ADGRL3: variants seen among roughly 807,000 people sequenced by gnomAD.
ADGRL3 encodes the protein adhesion G protein-coupled receptor L3, also known as calcium-independent alpha-latrotoxin receptor 3.
Under a neutral mutation model 153.5 loss-of-function variants are expected in ADGRL3, and 62 were observed. The ratio of observed to expected loss-of-function variants is 0.40; its 90% CI spans 0.33 to 0.50. The LOEUF is 0.50. Among genes scored for constraint, ADGRL3 ranks in the 20% least tolerant of loss-of-function variants. ADGRL3 has a pLI of 0.47. For missense variants in ADGRL3, 1,641 were observed against 1,859.4 expected (o/e 0.88, Z 2.16); for synonymous variants, 710 against 672.5 (o/e 1.06, Z -0.86).
At chr4:61,714,070 C>T (rs1032587242) in intron 6 of ADGRL3, among the ~76,000 whole-genome samples, 2 of 152,082 alleles carry the variant, frequency 1.3e-5, no homozygotes, top group African/African-American at 4.8e-5. Flanking sequence ...AAATGTTAGA[C>T]CTCTAGCTAC....
intron 4 of ADGRL3, among the ~76,000 whole-genome samples, chr4:61,526,457 A>C (rs547703329): frequency 6.6e-6 from 1 of 152,106 alleles, no homozygotes; most frequent in Non-Finnish European, 1.5e-5. Flanking sequence ...AGGCTAAAGT[A>C]GTGTTGGAGT....
intron 1 of ADGRL3, among the ~76,000 whole-genome samples, chr4:61,376,834 G>C (rs1032831876): frequency 6.6e-6 from 1 of 152,148 alleles, no homozygotes; most frequent in Non-Finnish European, 1.5e-5. Context: ...GCAGTAAGTT[G>C]AAGCATCTGT....
intron 2 of ADGRL3, among the ~76,000 whole-genome samples, chr4:61,420,936 A>C (rs1390413250): frequency 6.6e-6 from 1 of 152,156 alleles, no homozygotes; most frequent in Non-Finnish European, 1.5e-5. Flanking sequence ...TATTAGTGGA[A>C]GGCCTATATT....
intron 1 of ADGRL3, among the ~76,000 whole-genome samples, chr4:61,301,477 T>C (rs369509875): frequency 2.6e-5 from 4 of 152,330 alleles, no homozygotes; most frequent in African/African-American, 9.6e-5. Flanking sequence ...AAAATCAGGC[T>C]ATCCTAACTG....
intron 25 of ADGRL3, among the ~76,000 whole-genome samples, chr4:62,054,718 T>G (rs73823300): frequency 0.013 from 2,024 of 151,560 alleles, 47 homozygotes; most frequent in African/African-American, 0.046. Flanking sequence ...GTAAACAACA[T>G]ATATAAAAAA....
At chr4:61,317,121 T>C (rs1250830104) in intron 1 of ADGRL3, among the ~76,000 whole-genome samples, 1 of 152,196 alleles carries the variant, frequency 6.6e-6, no homozygotes, top group Non-Finnish European at 1.5e-5. Context: ...AAAAGCACTG[T>C]TGATTTCTAA....
chr4:61,559,706 A>G (rs1315384720), intron 4 of ADGRL3, among the ~76,000 whole-genome samples: 1 of 152,114 alleles, frequency 6.6e-6, no homozygotes, highest in African/African-American at 2.4e-5. Flanking sequence ...CAAGAAAAGC[A>G]TGAGCGAAAT....
At chr4:61,225,907 T>A (rs1405121045) in intron 1 of ADGRL3, among the ~76,000 whole-genome samples, 9 of 152,186 alleles carry the variant, frequency 5.9e-5, no homozygotes, top group African/African-American at 2.2e-4. Flanking sequence ...CAGTAATATT[T>A]CCCTTGTCTT....
Position 61,979,553 on chromosome 4 carries a change from G to C in ADGRL3, c.2806-10G>C, listed in dbSNP as rs367648564. On this transcript the variant is annotated splice_polypyrimidine_tract_variant and intron_variant, in intron 17 of 26. Transcript: ENST00000683033. ...AAGCGCAACTTATGGCTTTTTCATT[G>C]TGTTTCCAGCACAGTGATGCGGTCC... 1.9e-5 allele frequency: 30 copies of C among 1,612,692 alleles called. No homozygotes were observed. Among genetic ancestry groups the C allele is most frequent in the Non-Finnish European group, 2.5e-5 (29 of 1,179,412 alleles).
rs140975707 is a variant in ADGRL3, at chr4:61,297,019, C to T, written c.-239-86105C>T. Among the ~76,000 whole-genome samples, 11 of 152,224 alleles carry T rather than the reference C, an allele frequency of 7.2e-5. 1 individual carries two copies. Among genetic ancestry groups the T allele is most frequent in the African/African-American group, 2.6e-4 (11 of 41,566 alleles). ...TAGAGCAGTTGACACTTCCCCTACT[C>T]CAAAGATACCATAAACAACAAAAAA... is the stretch of plus-strand genomic sequence containing the variant. On this transcript the variant is annotated intron_variant, in intron 1 of 26. Transcript: ENST00000683033.
At chr4:61,617,194 A>G (rs2092098091) in intron 5 of ADGRL3, among the ~76,000 whole-genome samples, 1 of 152,072 alleles carries the variant, frequency 6.6e-6, no homozygotes, top group African/African-American at 2.4e-5. Context: ...TTAGGATGAC[A>G]TTTTCCCCAT....
chr4:61,998,119 T>A (rs2099128132), intron 20 of ADGRL3, 55 bp from the exon 21 acceptor site: 1 of 832,136 alleles, frequency 1.2e-6, no homozygotes, highest in African/African-American at 1.7e-5. Context: ...AGAATAAATT[T>A]GCTTTTTTGT....
In ADGRL3 at chr4:61,534,217, G is replaced by T. The variant is rs554098826; in HGVS notation, c.259+16699G>T. Among the ~76,000 whole-genome samples the T allele has an allele frequency of 1.3e-3, 197 of 152,144 alleles. 3 individuals are homozygous for T. In the South Asian group the frequency reaches 0.034, roughly 26 times the overall value. On this transcript the variant is annotated intron_variant, in intron 4 of 26. Coordinates refer to ENST00000683033, the MANE Select transcript of ADGRL3 (RefSeq NM_001387552.1). Reference sequence around the variant, plus strand: ...TTGCATAAGGTGTCCTTTCTCCATTGTTTATTTTTGTCAGCTTTGTCAAAG... The same window carrying T: ...TTGCATAAGGTGTCCTTTCTCCATTTTTTATTTTTGTCAGCTTTGTCAAAG...
intron 8 of ADGRL3, among the ~76,000 whole-genome samples, chr4:61,771,469 C>A (rs945693138): frequency 3.3e-5 from 5 of 152,160 alleles, no homozygotes; most frequent in Admixed American, 1.3e-4. Context: ...CAAAAAAATC[C>A]TTTCAAATAT....
chr4:61,411,254 G>T (rs1333701264), intron 2 of ADGRL3, among the ~76,000 whole-genome samples: 1 of 151,962 alleles, frequency 6.6e-6, no homozygotes, highest in East Asian at 1.9e-4. Context: ...TTCTGGAATA[G>T]TTTGTCAGTC....
At chr4:61,377,291 C>A (rs2151842255) in intron 1 of ADGRL3, among the ~76,000 whole-genome samples, 1 of 152,136 alleles carries the variant, frequency 6.6e-6, no homozygotes, top group East Asian at 1.9e-4. Flanking sequence ...TTCCTTGCAT[C>A]AATTATAATG....
intron 5 of ADGRL3, among the ~76,000 whole-genome samples, chr4:61,646,292 G>A (rs1478811853): frequency 6.6e-6 from 1 of 152,188 alleles, no homozygotes; most frequent in Non-Finnish European, 1.5e-5. Flanking sequence ...GCTCGTCAAA[G>A]TCATTCTCCA....
rs375007192 is a variant in ADGRL3, at chr4:62,071,508, G to A, written c.*600G>A. The A allele has an allele frequency of 5.5e-6, 1 of 182,000 alleles. No homozygotes were observed. 11.3% of individuals were successfully genotyped at this position (182,000 alleles called of 1,614,324 possible). ...CTAAATGCATATTTTATGATTTGCT[G>A]TATTAACTGATGATAAAACTAATGG... is the stretch of plus-strand genomic sequence containing the variant. On this transcript the variant is annotated 3_prime_UTR_variant, in exon 27 of 27. Transcript: ENST00000683033.
chr4:61,345,975 G>A (rs1380234693), intron 1 of ADGRL3, among the ~76,000 whole-genome samples: 3 of 152,124 alleles, frequency 2.0e-5, no homozygotes, highest in Non-Finnish European at 4.4e-5. Flanking sequence ...TAAGATTGAA[G>A]GGTTTTTATT....
Sources: allele counts gnomAD v4.1 joint callset (sites outside exome capture counted in the v4.1 genomes callset), GRCh38; gene constraint gnomAD v4.1.1; transcripts MANE v1.5; gene names NCBI Gene and HGNC (gene_info 2026-07-23, HGNC 2026-07-21).